PKD1L3: variants seen among roughly 807,000 people sequenced by gnomAD.
PKD1L3 encodes the protein polycystin-1-like protein 3.
Under a neutral mutation model 184.1 loss-of-function variants are expected in PKD1L3, and 239 were observed. That is an observed-to-expected ratio of 1.30 (90% CI 1.17 to 1.45). The LOEUF (loss-of-function observed/expected upper bound fraction) is 1.45. PKD1L3 is among the 40% of genes most tolerant of loss of function. The pLI, the probability that PKD1L3 is intolerant of heterozygous loss-of-function variation, is 0.00. For synonymous variants in PKD1L3, 996 were observed against 778.8 expected, an observed-to-expected ratio of 1.28 and a Z score of -4.64; for missense variants, 2,660 against 2,067.2, an observed-to-expected ratio of 1.29 and a Z score of -5.56.
At chr16:71,956,468 C>T (rs2039053383) in intron 16 of PKD1L3, among the ~76,000 whole-genome samples, 1 of 152,098 alleles carries the variant, frequency 6.6e-6, no homozygotes, top group South Asian at 2.1e-4. Context: ...GCTGAGATTA[C>T]AGGTGTGAGC....
intron 12 of PKD1L3, among the ~76,000 whole-genome samples, chr16:71,971,985 G>T (rs1447260301): frequency 6.6e-6 from 1 of 152,178 alleles, no homozygotes; most frequent in Admixed American, 6.5e-5. Flanking sequence ...GGGAGGCCGA[G>T]GCAGGCGGAT....
rs1032751476 is a variant in PKD1L3 at position 71,973,369 on chromosome 16, G to A, written c.1908C>T (p.Tyr636=). The A allele has an allele frequency of 1.3e-6, 2 of 1,551,594 alleles. No homozygotes were observed. The highest frequency in any genetic ancestry group is 1.4e-5 in the African/African-American group (1 of 73,040). ...ATGTCTGGTTGTGGATCTCCCAGTA[G>A]TAACACTGAGTGACGGCGGTGATGA... ...VSVITAVTQC[Y]YWEIHNQTWS... Residue 636 remains tyrosine, a synonymous_variant, in exon 12 of 30, where the codon TAC becomes TAT. Coordinates refer to ENST00000620267, the MANE Select transcript of PKD1L3 (RefSeq NM_181536.2).
chr16:71,952,685 A>G (rs2038888579), intron 18 of PKD1L3, among the ~76,000 whole-genome samples: 1 of 151,090 alleles, frequency 6.6e-6, no homozygotes, highest in African/African-American at 2.4e-5. Flanking sequence ...AAAATACAAA[A>G]ATTAGCCAGA....
rs187577272 is a variant in PKD1L3, at chr16:71,936,090, C to T, written c.4453-572G>A. ...GGATTACAGGCGTGAGCCACCATGCCCAGCAAAAATTTCTAAATTAGTTAT... is the reference window on the plus strand; with the variant it reads ...GGATTACAGGCGTGAGCCACCATGCTCAGCAAAAATTTCTAAATTAGTTAT... On this transcript the variant is annotated intron_variant, in intron 25 of 29. Transcript: ENST00000620267. Among the ~76,000 whole-genome samples, 177 of 151,818 alleles carry T rather than the reference C, an allele frequency of 1.2e-3. 1 individual carries two copies. Among genetic ancestry groups the T allele is most frequent in the South Asian group, 6.4e-3 (31 of 4,808 alleles).
At chr16:71,967,655 G>A (rs553551600) in intron 14 of PKD1L3, among the ~76,000 whole-genome samples, 53 of 152,126 alleles carry the variant, frequency 3.5e-4, no homozygotes, top group African/African-American at 1.2e-3. Context: ...AGTAGAGAAG[G>A]GTTTTCACCT....
intron 29 of PKD1L3, 24 bp downstream of exon 29, chr16:71,930,028 C>G: frequency 6.5e-7 from 1 of 1,540,734 alleles, no homozygotes; most frequent in Middle Eastern, 1.7e-4. Context: ...TAACAGCATG[C>G]TAGTTTATCT....
At chr16:71,961,416 C>A (rs12445043) in intron 16 of PKD1L3, among the ~76,000 whole-genome samples, 71,133 of 151,854 alleles carry the variant, frequency 0.47, 17,367 homozygotes, top group Middle Eastern at 0.57. Context: ...AGACACCGTA[C>A]CTTGGCCCTT....
chr16:71,982,919 C>G (rs146991544), intron 6 of PKD1L3, among the ~76,000 whole-genome samples: 28 of 152,122 alleles, frequency 1.8e-4, no homozygotes, highest in Middle Eastern at 3.4e-3. Flanking sequence ...TTGCATACTT[C>G]TTATTAGCAG....
In PKD1L3 at chr16:71,950,123, T is replaced by TG; in HGVS notation, c.3377dup (p.Ser1127IlefsTer39). The TG allele has an allele frequency of 6.4e-7, 1 of 1,551,682 alleles. No homozygotes were observed. ...GGCTTGGTGTGGTGCATTACCTGGA[T>TG]GGCTCTTGCTCCGTGGGAAGAATAT... On this transcript the variant is annotated frameshift_variant, in exon 20 of 30. Coordinates refer to ENST00000620267, the MANE Select transcript of PKD1L3 (RefSeq NM_181536.2). LOFTEE classifies it high-confidence loss of function.
chr16:71,997,016 G>C (rs951543087), intron 2 of PKD1L3, among the ~76,000 whole-genome samples: 4 of 148,362 alleles, frequency 2.7e-5, no homozygotes, highest in East Asian at 4.0e-4. Flanking sequence ...CTAAGAATGA[G>C]ACTGAGGGAG....
chr16:71,967,396 A>G, intron 14 of PKD1L3, 81 bp from the exon 15 acceptor site: 1 of 1,310,028 alleles, frequency 7.6e-7, no homozygotes, highest in Non-Finnish European at 1.0e-6. Flanking sequence ...AAAGACGAAG[A>G]CATAGAAAAC....
At chr16:71,994,702 T>C (rs2040718540) in intron 2 of PKD1L3, among the ~76,000 whole-genome samples, 1 of 152,108 alleles carries the variant, frequency 6.6e-6, no homozygotes, top group African/African-American at 2.4e-5. Context: ...GGGATTGCTT[T>C]TTACAATGTT....
chr16:71,934,735 C>G (rs1008079273), intron 26 of PKD1L3, among the ~76,000 whole-genome samples: 1 of 152,208 alleles, frequency 6.6e-6, no homozygotes, highest in African/African-American at 2.4e-5. Context: ...TGCACAGATC[C>G]GCTGTCACTG....
chr16:71,948,823 A>AAAAAAAAAAAT (rs2038720044), intron 21 of PKD1L3, among the ~76,000 whole-genome samples: 1 of 150,548 alleles, frequency 6.6e-6, no homozygotes, highest in Non-Finnish European at 1.5e-5. Flanking sequence ...AAAAAAAAAA[A>AAAAAAAAAAAT]AAGTCACTTT....
Position 71,977,483 on chromosome 16 carries a change from G to A in PKD1L3, c.1528-16C>T, listed in dbSNP as rs370162828. On this transcript the variant is annotated splice_polypyrimidine_tract_variant and intron_variant, in intron 10 of 29. Coordinates refer to ENST00000620267, the MANE Select transcript of PKD1L3 (RefSeq NM_181536.2). Reference sequence around the variant, plus strand: ...AGAGCATGATCTAGAATAAGAGACAGTTAATCATTATAATGGTCCATCCAT... The same window carrying A: ...AGAGCATGATCTAGAATAAGAGACAATTAATCATTATAATGGTCCATCCAT... The A allele has an allele frequency of 6.7e-7, 1 of 1,497,014 alleles. No individual in the cohort carries two copies. Among genetic ancestry groups the A allele is most frequent in the Non-Finnish European group, 9.1e-7 (1 of 1,102,108 alleles). 92.7% of individuals were successfully genotyped at this position (1,497,014 alleles called of 1,614,324 possible). A position where few individuals can be genotyped will look rare whatever the true frequency, so the allele number is the denominator to read the frequency against.
At chr16:71,975,246 C>CAG (rs1252542845) in intron 11 of PKD1L3, among the ~76,000 whole-genome samples, 4 of 146,952 alleles carry the variant, frequency 2.7e-5, no homozygotes, top group Admixed American at 6.9e-5. Context: ...TTTGTGGAGA[C>CAG]AGAGTCTCGC....
chr16:71,973,631 A>G, intron 11 of PKD1L3, 114 bp from the exon 12 acceptor site: 1 of 964,954 alleles, frequency 1.0e-6, no homozygotes, highest in Non-Finnish European at 1.5e-6. Flanking sequence ...TGATGAAACT[A>G]GAGTCACAAA....
chr16:71,953,266 T>A (rs1597311492), intron 17 of PKD1L3, among the ~76,000 whole-genome samples, 173 bp from the exon 18 acceptor site: 2 of 152,202 alleles, frequency 1.3e-5, no homozygotes, highest in East Asian at 3.8e-4. Flanking sequence ...CATTTGTTAA[T>A]GAATGAGAAC....
rs775232184 is a variant in PKD1L3, at chr16:71,982,153, T to G, written c.1049A>C (p.Lys350Thr). The G allele has an allele frequency of 3.2e-6, 5 of 1,551,766 alleles. No homozygotes were observed. The South Asian group carries it at 6.0e-5, about 18-fold the overall frequency. ...AAAGGGGCAGACAGTTGGAGGAACT[T>G]TGAAGCCCAGACTGTTGTTGTTCTG... ...PFQNNNSLGFKVPPTVCPFHS... is the reference protein window; with the variant it reads ...PFQNNNSLGFTVPPTVCPFHS... The change falls in exon 7 of 30, where the codon AAA becomes ACA. Residue 350 changes from lysine to threonine, a missense_variant. Physicochemically the swap from Lys to Thr is moderately conservative, Grantham distance 78. Transcript: ENST00000620267.
Sources: allele counts gnomAD v4.1 joint callset (sites outside exome capture counted in the v4.1 genomes callset), GRCh38; gene constraint gnomAD v4.1.1; transcripts MANE v1.5; gene names NCBI Gene and HGNC (gene_info 2026-07-23, HGNC 2026-07-21).